The following NT5DC1 variants were observed in gnomAD, a reference collection of about 807,000 sequenced individuals.
NT5DC1 encodes the protein 5'-nucleotidase domain containing 1.
NT5DC1 carries 42 observed loss-of-function variants against 59.4 expected under a neutral mutation model. The ratio of observed to expected loss-of-function variants is 0.71; its 90% CI spans 0.55 to 0.92. The LOEUF (loss-of-function observed/expected upper bound fraction) is 0.92. Ranked by LOEUF, NT5DC1 falls within the 40% of genes least tolerant of loss-of-function variation. The probability of loss-of-function intolerance (pLI) is 0.00; values close to 1 mark genes in which losing one functional copy is unlikely to be tolerated. For missense variants in NT5DC1, 501 were observed against 537.1 expected (o/e 0.93, Z 0.66); for synonymous variants, 172 against 188.1 (o/e 0.91, Z 0.70).
chr6:116,217,170 G>A (rs796850217), intron 6 of NT5DC1, among the ~76,000 whole-genome samples: 16 of 151,558 alleles, frequency 1.1e-4, no homozygotes, highest in African/African-American at 3.6e-4. Flanking sequence ...TAATATTCAG[G>A]TTGTACTATA....
chr6:116,141,887 C>A (rs1582830250), intron 6 of NT5DC1, among the ~76,000 whole-genome samples: 1 of 72,790 alleles, frequency 1.4e-5, no homozygotes. Flanking sequence ...AAAAAGAAAA[C>A]ACACACACAC....
chr6:116,148,043 C>G (rs1779943786), intron 6 of NT5DC1, among the ~76,000 whole-genome samples: 1 of 150,730 alleles, frequency 6.6e-6, no homozygotes, highest in South Asian at 2.1e-4. Flanking sequence ...GAAAAGACAT[C>G]CAGAATATAT....
rs750750758 is a variant in NT5DC1, at chr6:116,110,984, A to C, written c.364+28A>C. On this transcript the variant is annotated intron_variant, in intron 4 of 11. Coordinates refer to ENST00000319550, the MANE Select transcript of NT5DC1 (RefSeq NM_152729.3). Reference sequence around the variant, plus strand: ...ATGACTCAAATGAGGCAGCTCCACCATCCGCTCCCTGTTTGTTTTGTACCC... The same window carrying C: ...ATGACTCAAATGAGGCAGCTCCACCCTCCGCTCCCTGTTTGTTTTGTACCC... 8 of 1,409,550 alleles carry C rather than the reference A, an allele frequency of 5.7e-6. No homozygotes were observed. In the South Asian group the frequency reaches 9.2e-5, roughly 16 times the overall value. The allele number at this position is 1,409,550 out of a possible 1,614,324, so 87.3% of individuals were successfully genotyped here. A position where few individuals can be genotyped will look rare whatever the true frequency, so the allele number is the denominator to read the frequency against.
intron 6 of NT5DC1, among the ~76,000 whole-genome samples, chr6:116,148,347 A>G (rs1448616536): frequency 6.6e-6 from 1 of 152,192 alleles, no homozygotes; most frequent in Non-Finnish European, 1.5e-5. Context: ...AAAAAGCAAA[A>G]TAGAAAATAT....
At chr6:116,215,399 G>C (rs755370743) in intron 6 of NT5DC1, among the ~76,000 whole-genome samples, 3 of 152,116 alleles carry the variant, frequency 2.0e-5, no homozygotes, top group Non-Finnish European at 2.9e-5. Context: ...ACAAACAACA[G>C]CTCCTCCAAT....
chr6:116,217,173 G>A (rs1304192826), intron 6 of NT5DC1, among the ~76,000 whole-genome samples: 2 of 151,476 alleles, frequency 1.3e-5, no homozygotes, highest in Non-Finnish European at 2.9e-5. Context: ...TATTCAGGTT[G>A]TACTATACTT....
At chr6:116,204,127 G>GCTCTCGTGACCCAGTAAGGGAGAGGCT (rs1238428670) in intron 6 of NT5DC1, among the ~76,000 whole-genome samples, 17 of 151,928 alleles carry the variant, frequency 1.1e-4, no homozygotes, top group Non-Finnish European at 2.5e-4. Context: ...AGAGGACGAT[G>GCTCTCGTGACCCAGTAAGGGAGAGGCT]CACTGCTGTG....
At chr6:116,122,344 T>C (rs1779156310) in intron 6 of NT5DC1, among the ~76,000 whole-genome samples, 1 of 152,170 alleles carries the variant, frequency 6.6e-6, no homozygotes, top group African/African-American at 2.4e-5. Flanking sequence ...TTAAGAACTA[T>C]AAAAATTTTC....
chr6:116,173,332 A>G (rs998937851), intron 6 of NT5DC1, among the ~76,000 whole-genome samples: 2 of 152,226 alleles, frequency 1.3e-5, no homozygotes, highest in African/African-American at 4.8e-5. Flanking sequence ...AAAATAAATT[A>G]GAACATTTAC....
chr6:116,229,135 AG>A (rs1781961143), intron 8 of NT5DC1, among the ~76,000 whole-genome samples: 1 of 152,172 alleles, frequency 6.6e-6, no homozygotes, highest in Non-Finnish European at 1.5e-5. Flanking sequence ...ATTACATTTT[AG>A]TTACTTTTCC....
intron 6 of NT5DC1, among the ~76,000 whole-genome samples, chr6:116,171,147 T>C (rs1780596099): frequency 6.6e-6 from 1 of 152,220 alleles, no homozygotes; most frequent in African/African-American, 2.4e-5. Context: ...TAAGTGATTG[T>C]TGAATAAATG....
chr6:116,212,639 A>T (rs1004507221), intron 6 of NT5DC1, among the ~76,000 whole-genome samples: 2 of 152,168 alleles, frequency 1.3e-5, no homozygotes, highest in Non-Finnish European at 2.9e-5. Context: ...TTTGAATACC[A>T]ATCTAGTTTT....
chr6:116,131,029 T>C (rs1355677898), intron 6 of NT5DC1, among the ~76,000 whole-genome samples: 2 of 152,220 alleles, frequency 1.3e-5, no homozygotes, highest in African/African-American at 4.8e-5. Flanking sequence ...TCATTTTGCT[T>C]TCAATTTTTA....
At chr6:116,162,923 C>T (rs777466099) in intron 6 of NT5DC1, among the ~76,000 whole-genome samples, 2 of 151,690 alleles carry the variant, frequency 1.3e-5, no homozygotes, top group Non-Finnish European at 2.9e-5. Context: ...GTCAGGAGAT[C>T]GAGACCATCC....
chr6:116,132,009 T>G (rs888181244), intron 6 of NT5DC1, among the ~76,000 whole-genome samples: 1 of 152,222 alleles, frequency 6.6e-6, no homozygotes, highest in African/African-American at 2.4e-5. Context: ...ATTATCTTAT[T>G]GTTTTTTATG....
At chr6:116,168,083 CT>C (rs34803424) in intron 6 of NT5DC1, among the ~76,000 whole-genome samples, 40,645 of 118,976 alleles carry the variant, frequency 0.34, 6,346 homozygotes, top group African/African-American at 0.45. Flanking sequence ...TACCTGGTGT[CT>C]TTTTTTTTTT....
intron 8 of NT5DC1, among the ~76,000 whole-genome samples, chr6:116,234,400 A>G (rs1330106700): frequency 6.6e-6 from 1 of 151,966 alleles, no homozygotes; most frequent in Non-Finnish European, 1.5e-5. Context: ...GAGTGTGGTG[A>G]CATGATCTCG....
At chr6:116,215,620 A>G (rs987612654) in intron 6 of NT5DC1, among the ~76,000 whole-genome samples, 4 of 152,158 alleles carry the variant, frequency 2.6e-5, no homozygotes, top group South Asian at 2.1e-4. Context: ...CAGACCTTCA[A>G]AAACCTCTCT....
At chr6:116,204,827 G>C (rs764289839) in intron 6 of NT5DC1, among the ~76,000 whole-genome samples, 37 of 151,978 alleles carry the variant, frequency 2.4e-4, no homozygotes, top group Non-Finnish European at 4.0e-4. Flanking sequence ...ACAATGAATA[G>C]TGTGTAGTAG....
Sources: allele counts gnomAD v4.1 joint callset (sites outside exome capture counted in the v4.1 genomes callset), GRCh38; gene constraint gnomAD v4.1.1; transcripts MANE v1.5; gene names NCBI Gene and HGNC (gene_info 2026-07-23, HGNC 2026-07-21).